Variants in AMPH observed in about 807,000 individuals in gnomAD.
The protein encoded by AMPH is amphiphysin (Stiff-Mann syndrome with breast cancer 128kD autoantigen).
Under a neutral mutation model 99.1 loss-of-function variants are expected in AMPH, and 49 were observed. The observed-to-expected ratio is 0.49, with a 90% CI of 0.39 to 0.63. The LOEUF is 0.63. AMPH is among the 20% of genes least tolerant of loss of function. The probability of loss-of-function intolerance (pLI) is 0.00; values close to 1 mark genes in which losing one functional copy is unlikely to be tolerated. For missense variants in AMPH, 759 were observed against 863.4 expected (o/e 0.88, Z 1.52); for synonymous variants, 314 against 317.3 (o/e 0.99, Z 0.11).
chr7:38,543,338 C>T (rs1258880126), intron 1 of AMPH, among the ~76,000 whole-genome samples: 2 of 152,126 alleles, frequency 1.3e-5, no homozygotes, highest in South Asian at 2.1e-4. Context: ...AGAAATTCCA[C>T]AAAACTCTAC....
intron 20 of AMPH, among the ~76,000 whole-genome samples, chr7:38,387,535 A>C (rs1164839128): frequency 6.6e-6 from 1 of 152,160 alleles, no homozygotes; most frequent in Admixed American, 6.6e-5. Flanking sequence ...TCAAAGTAGC[A>C]GAGGAAACAC....
intron 1 of AMPH, among the ~76,000 whole-genome samples, chr7:38,571,274 T>TA (rs1562835160): frequency 0.14 from 5,803 of 41,748 alleles, 395 homozygotes; most frequent in Non-Finnish European, 0.19. Context: ...TATTTATATA[T>TA]ATATTTTTAT....
intron 3 of AMPH, among the ~76,000 whole-genome samples, chr7:38,501,108 G>A (rs547106437): frequency 6.6e-6 from 1 of 152,284 alleles, no homozygotes; most frequent in East Asian, 1.9e-4. Flanking sequence ...GAGAAACACA[G>A]AACGAAATAT....
At chr7:38,547,797 T>C (rs1258609071) in intron 1 of AMPH, among the ~76,000 whole-genome samples, 4 of 152,180 alleles carry the variant, frequency 2.6e-5, no homozygotes, top group Admixed American at 2.6e-4. Flanking sequence ...AGAAGAGGGC[T>C]TCTAGATCAT....
At position 38,463,126 on chromosome 7, in the gene AMPH, AG is replaced by A; in HGVS notation, c.750-14del. On this transcript the variant is annotated splice_polypyrimidine_tract_variant and intron_variant, in intron 9 of 20. Coordinates refer to ENST00000356264, the MANE Select transcript of AMPH (RefSeq NM_001635.4). ...AGGACCCGAATCACTAGAGGAACAC[AG>A]GGGATTGGGCAAGGGGCCTTCTCAA... The A allele has an allele frequency of 6.2e-7, 1 of 1,613,906 alleles. No individual in the cohort carries two copies. The highest frequency in any genetic ancestry group is 8.5e-7 in the Non-Finnish European group (1 of 1,179,842).
chr7:38,519,439 T>A (rs1268970077), intron 2 of AMPH, among the ~76,000 whole-genome samples: 2 of 151,390 alleles, frequency 1.3e-5, no homozygotes, highest in Non-Finnish European at 2.9e-5. Flanking sequence ...TTAAATATAT[T>A]AAGGCTCTCT....
intron 1 of AMPH, among the ~76,000 whole-genome samples, chr7:38,562,653 A>G (rs1791596018): frequency 1.3e-5 from 2 of 151,986 alleles, no homozygotes. Context: ...ATGAGCACAA[A>G]AAGAGGGAGA....
intron 2 of AMPH, among the ~76,000 whole-genome samples, chr7:38,533,471 G>C (rs1488188490): frequency 6.6e-6 from 1 of 152,134 alleles, no homozygotes; most frequent in African/African-American, 2.4e-5. Context: ...ATTCAGGAAT[G>C]CGTTTTGGCA....
At chr7:38,494,775 CA>C (rs1788866172) in intron 3 of AMPH, among the ~76,000 whole-genome samples, 1 of 152,140 alleles carries the variant, frequency 6.6e-6, no homozygotes, top group Non-Finnish European at 1.5e-5. Context: ...GAAAGATCAA[CA>C]AGTATCCTAC....
chr7:38,572,078 T>A (rs2129052772), intron 1 of AMPH, among the ~76,000 whole-genome samples: 1 of 152,194 alleles, frequency 6.6e-6, no homozygotes, highest in African/African-American at 2.4e-5. Flanking sequence ...GCTAATTTTG[T>A]ATTTTTAGTA....
At chr7:38,614,760 TCTTTC>T (rs1793815530) in intron 1 of AMPH, among the ~76,000 whole-genome samples, 1 of 152,186 alleles carries the variant, frequency 6.6e-6, no homozygotes, top group African/African-American at 2.4e-5. Flanking sequence ...TAGAAGTGCC[TCTTTC>T]CCAGATCCCA....
chr7:38,529,815 A>T (rs1584210179), intron 2 of AMPH, among the ~76,000 whole-genome samples: 1 of 152,266 alleles, frequency 6.6e-6, no homozygotes, highest in Non-Finnish European at 1.5e-5. Context: ...AAATGTTCTA[A>T]GGTATATGCT....
At chr7:38,424,453 T>A (rs1562744239) in intron 15 of AMPH, among the ~76,000 whole-genome samples, 1 of 151,876 alleles carries the variant, frequency 6.6e-6, no homozygotes, top group African/African-American at 2.4e-5. Flanking sequence ...TATTGGAAAA[T>A]AAATATGCAG....
At chr7:38,604,207 T>C (rs1793351423) in intron 1 of AMPH, among the ~76,000 whole-genome samples, 1 of 152,148 alleles carries the variant, frequency 6.6e-6, no homozygotes, top group Admixed American at 6.6e-5. Context: ...AATAGGAGAT[T>C]TTTGCACTAT....
chr7:38,551,031 A>G (rs946702409), intron 1 of AMPH, among the ~76,000 whole-genome samples: 5 of 152,158 alleles, frequency 3.3e-5, no homozygotes, highest in Admixed American at 6.5e-5. Flanking sequence ...ATGATAAACC[A>G]TCAGTGGCTT....
rs1792041463 is a variant in AMPH at position 38,571,595 on chromosome 7, T to C, written c.70-36584A>G. 5.5e-5 allele frequency among the ~76,000 whole-genome samples: 8 copies of C among 145,782 alleles called. No homozygotes were observed. The South Asian group carries it at 1.5e-3, about 27-fold the overall frequency. The stretch of plus-strand genomic sequence containing the variant: ...AAATTTAAAACTAGAAAAAAGCTTA[T>C]AGAATAAGGATATAAAGAAAGAAAA... On this transcript the variant is annotated intron_variant, in intron 1 of 20. Coordinates refer to ENST00000356264, the MANE Select transcript of AMPH (RefSeq NM_001635.4).
intron 2 of AMPH, among the ~76,000 whole-genome samples, chr7:38,524,616 A>G (rs1338638061): frequency 7.8e-6 from 1 of 128,412 alleles, no homozygotes; most frequent in Non-Finnish European, 1.6e-5. Context: ...GGTTGGAGGC[A>G]TGGAGGCATG....
At chr7:38,510,056 T>G (rs1052992650) in intron 2 of AMPH, among the ~76,000 whole-genome samples, 1 of 152,190 alleles carries the variant, frequency 6.6e-6, no homozygotes, top group South Asian at 2.1e-4. Context: ...CTGCCATTTA[T>G]GATGTCTGTA....
At chr7:38,599,782 T>TTGAA in intron 1 of AMPH, among the ~76,000 whole-genome samples, 1 of 150,764 alleles carries the variant, frequency 6.6e-6, no homozygotes, top group African/African-American at 2.4e-5. Context: ...ATCATTAATA[T>TTGAA]TAAATTTGAA....
Sources: gnomAD v4.1 joint callset for allele counts (sites outside exome capture counted in the v4.1 genomes callset) on GRCh38, gnomAD v4.1.1 for gene constraint, MANE v1.5 for transcripts, NCBI Gene and HGNC (gene_info 2026-07-23, HGNC 2026-07-21) for gene names.